The following MAFF variants were observed in gnomAD, a reference collection of about 807,000 sequenced individuals.
The protein encoded by MAFF is transcription factor MafF.
A neutral mutation model predicts 2.7 loss-of-function variants in MAFF; 4 were observed. The ratio of observed to expected loss-of-function variants is 1.48; its 90% CI spans 0.73 to 3.39. The LOEUF (loss-of-function observed/expected upper bound fraction) is 3.39. Ranked by LOEUF, MAFF falls within the 30% of genes most tolerant of loss-of-function variation. The pLI is 0.01. For missense variants in MAFF, 190 were observed against 246.6 expected (o/e 0.77, Z 1.54); for synonymous variants, 113 against 119.4 (o/e 0.95, Z 0.35).
rs1248264166 is a variant in MAFF, at chr22:38,214,360, C to A, written c.37-60C>A. 2 of 1,456,076 alleles carry A rather than the reference C, an allele frequency of 1.4e-6. No individual in the cohort carries two copies. The highest frequency in any genetic ancestry group is 1.4e-5 in the African/African-American group (1 of 70,474). The allele number at this position is 1,456,076 out of a possible 1,614,324, so 90.2% of individuals were successfully genotyped here. A position where few individuals can be genotyped will look rare whatever the true frequency, so the allele number is the denominator to read the frequency against. On this transcript the variant is annotated intron_variant, in intron 2 of 2. Transcript: ENST00000338483. The surrounding 1 kb of genome is among the most constrained non-coding windows in gnomAD (Gnocchi z 6.3). ...CTAAGGCGGTGAAAGAGGAACACCGCGGGTGGAGCGGGGGGGCCCGTCCCC... is the reference window on the plus strand; with the variant it reads ...CTAAGGCGGTGAAAGAGGAACACCGAGGGTGGAGCGGGGGGGCCCGTCCCC...
intron 1 of MAFF, among the ~76,000 whole-genome samples, chr22:38,210,202 C>T (rs188054078): frequency 5.3e-5 from 8 of 152,336 alleles, no homozygotes; most frequent in South Asian, 2.1e-4. Context: ...CTACCCCCAG[C>T]GAAACCTGGG....
chr22:38,205,295 G>A (rs1419995283), intron 1 of MAFF: 4 of 152,260 alleles, frequency 2.6e-5, no homozygotes, highest in African/African-American at 9.7e-5. Flanking sequence ...GAGGGTACCT[G>A]AACTGGGGCT....
Position 38,215,525 on chromosome 22 carries a change from G to A in MAFF, c.*647G>A, listed in dbSNP as rs1389500484. ...GGTTTTCAGGGGGACAGTGGACAGG[G>A]ACTCAGAAATGTGGTGGGAGGGCCT... On this transcript the variant is annotated 3_prime_UTR_variant, in exon 3 of 3. Transcript: ENST00000338483. 1.8e-5 allele frequency: 3 copies of A among 167,314 alleles called. No homozygotes were observed. The East Asian group carries it at 5.8e-4, about 32-fold the overall frequency. The allele number at this position is 167,314 out of a possible 1,614,324, so 10.4% of individuals were successfully genotyped here.
At chr22:38,208,278 A>C (rs2091069092) in intron 1 of MAFF, among the ~76,000 whole-genome samples, 1 of 152,144 alleles carries the variant, frequency 6.6e-6, no homozygotes, top group Admixed American at 6.5e-5. Flanking sequence ...GAAAGTGGAG[A>C]CCCAGAGAGA....
At chr22:38,206,599 A>G (rs1035623201) in intron 1 of MAFF, among the ~76,000 whole-genome samples, 1 of 151,582 alleles carries the variant, frequency 6.6e-6, no homozygotes, top group African/African-American at 2.4e-5. Context: ...TGATCTGCCC[A>G]CCTTGGCCTC....
chr22:38,214,446 G>C lies in MAFF; in HGVS notation c.63G>C (p.Thr21=). ...LKIKRELSEN[T]PHLSDEALMG... Reference sequence around the variant, plus strand: ...TCAAGCGAGAGCTGAGCGAGAACACGCCGCACCTGTCGGACGAGGCGCTGA... The same window carrying C: ...TCAAGCGAGAGCTGAGCGAGAACACCCCGCACCTGTCGGACGAGGCGCTGA... The change falls in exon 3 of 3, where the codon ACG becomes ACC. Residue 21 remains threonine (T), a synonymous_variant. Coordinates refer to ENST00000338483, the MANE Select transcript of MAFF (RefSeq NM_012323.4). This position sits in a 1 kb window ranked among gnomAD's most constrained non-coding sequence, Gnocchi z 6.3. The C allele has an allele frequency of 6.2e-7, 1 of 1,606,322 alleles. No homozygotes were observed. Among genetic ancestry groups the C allele is most frequent in the Non-Finnish European group, 8.5e-7 (1 of 1,177,286 alleles).
At chr22:38,210,623 A>AGAGTGTGTGTGTGTGTGTGT (rs149088492) in intron 1 of MAFF, among the ~76,000 whole-genome samples, 1 of 132,920 alleles carries the variant, frequency 7.5e-6, no homozygotes, top group Non-Finnish European at 1.6e-5. Flanking sequence ...GGACACAGGG[A>AGAGTGTGTGTGTGTGTGTGT]GTGTGTGTGT....
At chr22:38,210,026 G>A (rs1439891430) in intron 1 of MAFF, among the ~76,000 whole-genome samples, 3 of 152,118 alleles carry the variant, frequency 2.0e-5, no homozygotes, top group Non-Finnish European at 4.4e-5. Context: ...AGGATTTGGA[G>A]TGCTAGGCAG....
intron 1 of MAFF, among the ~76,000 whole-genome samples, chr22:38,207,885 G>A (rs1334384565): frequency 6.6e-6 from 1 of 152,170 alleles, no homozygotes; most frequent in Non-Finnish European, 1.5e-5. Flanking sequence ...TCCTCTCTGG[G>A]CATTACCTCA....
In MAFF at chr22:38,215,204, A is replaced by C; in HGVS notation, c.*326A>C. ...GTTGGGGGAGAAGAGGGCACCCCTC[A>C]TCTTGGAAACTGCTCTTATTGTGCC... On this transcript the variant is annotated 3_prime_UTR_variant, in exon 3 of 3. Transcript: ENST00000338483. 9 of 286,316 alleles carry C rather than the reference A, an allele frequency of 3.1e-5. No individual in the cohort carries two copies. The highest frequency in any genetic ancestry group is 8.6e-5 in the East Asian group (1 of 11,640). 17.7% of individuals were successfully genotyped at this position (286,316 alleles called of 1,614,324 possible).
chr22:38,202,922 T>C lies in MAFF; in HGVS notation c.-32+710T>C, dbSNP rs1602329038. The C allele has an allele frequency of 1.3e-5, 2 of 151,302 alleles. No individual in the cohort carries two copies. Among genetic ancestry groups the C allele is most frequent in the South Asian group, 4.2e-4 (2 of 4,766 alleles). The allele number at this position is 151,302 out of a possible 1,614,324, so 9.4% of individuals were successfully genotyped here. A position where few individuals can be genotyped will look rare whatever the true frequency, so the allele number is the denominator to read the frequency against. ...TGTCCGTCCCCGGCTCTCCCCGGAG[T>C]TTCCCAGGGCCTCCGCCACGTGACC... On this transcript the variant is annotated intron_variant, in intron 1 of 2. Transcript: ENST00000338483. The surrounding 1 kb of genome is among the most constrained non-coding windows in gnomAD (Gnocchi z 7.4).
chr22:38,210,493 G>A (rs1473778931), intron 1 of MAFF, among the ~76,000 whole-genome samples: 2 of 152,164 alleles, frequency 1.3e-5, no homozygotes, highest in East Asian at 3.9e-4. Context: ...TCAGGTATAA[G>A]TTCTGCCCTC....
At chr22:38,211,017 G>A (rs2091095700) in intron 1 of MAFF, among the ~76,000 whole-genome samples, 1 of 151,934 alleles carries the variant, frequency 6.6e-6, no homozygotes, top group Non-Finnish European at 1.5e-5. Context: ...CTGTGATCGT[G>A]TCACTGCACT....
In MAFF at chr22:38,205,694, C is replaced by T. The variant is rs73154443; in HGVS notation, c.-32+3482C>T. Reference sequence around the variant, plus strand: ...GAAGCCAGGGAGAGGTGGTGGTGGCCGACATAGAAGACAGAGGACCCCTGG... The same window carrying T: ...GAAGCCAGGGAGAGGTGGTGGTGGCTGACATAGAAGACAGAGGACCCCTGG... On this transcript the variant is annotated intron_variant, in intron 1 of 2. Coordinates refer to ENST00000338483, the MANE Select transcript of MAFF (RefSeq NM_012323.4). 379 of 152,344 alleles carry T rather than the reference C, an allele frequency of 2.5e-3. 1 individual carries two copies. Among genetic ancestry groups the T allele is most frequent in the Middle Eastern group, 0.02 (6 of 294 alleles). 9.4% of individuals were successfully genotyped at this position (152,344 alleles called of 1,614,324 possible). A position where few individuals can be genotyped will look rare whatever the true frequency, so the allele number is the denominator to read the frequency against.
At chr22:38,212,793 T>C (rs919229371) in intron 1 of MAFF, among the ~76,000 whole-genome samples, 1 of 152,128 alleles carries the variant, frequency 6.6e-6, no homozygotes, top group African/African-American at 2.4e-5. Context: ...GGGTGCTGGA[T>C]GGGCTTTGTG....
intron 1 of MAFF, among the ~76,000 whole-genome samples, chr22:38,206,882 C>G (rs773066307): frequency 4.6e-5 from 7 of 152,136 alleles, no homozygotes; most frequent in African/African-American, 1.7e-4. Context: ...ACTGCACGTG[C>G]CAGCTCCCCA....
intron 1 of MAFF, among the ~76,000 whole-genome samples, chr22:38,204,321 T>G (rs914193540): frequency 1.3e-5 from 2 of 152,160 alleles, no homozygotes; most frequent in African/African-American, 4.8e-5. Flanking sequence ...TGAAAGTACA[T>G]AACAGCGCTC....
rs899811903 is a variant in MAFF at position 38,215,848 on chromosome 22, C to G, written c.*970C>G. On this transcript the variant is annotated 3_prime_UTR_variant, in exon 3 of 3. Coordinates refer to ENST00000338483, the MANE Select transcript of MAFF (RefSeq NM_012323.4). ...CTGTGGGGTGGGGGCTGACCCCTGC[C>G]TTTGATTGTCATTCTCCTGGGAAGC... The G allele has an allele frequency of 5.4e-5, 9 of 167,180 alleles. No individual in the cohort carries two copies. The highest frequency in any genetic ancestry group is 2.2e-4 in the African/African-American group (9 of 41,454). 10.4% of individuals were successfully genotyped at this position (167,180 alleles called of 1,614,324 possible).
Position 38,213,805 on chromosome 22 carries a change from A to T in MAFF, c.-31-18A>T, listed in dbSNP as rs1197383270. On this transcript the variant is annotated intron_variant, in intron 1 of 2. Transcript: ENST00000338483. ...AACCAAAAACAAAACAGTGACTTTG[A>T]CCTCCTTTCTACCCTAGGTCTGCAG... 1.9e-5 allele frequency: 30 copies of T among 1,581,096 alleles called. No homozygotes were observed. Among genetic ancestry groups the T allele is most frequent in the Non-Finnish European group, 2.4e-5 (28 of 1,150,080 alleles).
Sources: allele counts gnomAD v4.1 joint callset (sites outside exome capture counted in the v4.1 genomes callset), GRCh38; gene constraint gnomAD v4.1.1; non-coding constraint Gnocchi (gnomAD v3.1); transcripts MANE v1.5; gene names NCBI Gene and HGNC (gene_info 2026-07-23, HGNC 2026-07-21).